PUM1: variants seen among roughly 807,000 people sequenced by gnomAD.
The protein encoded by PUM1 is pumilio RNA binding family member 1.
A neutral mutation model predicts 131.8 loss-of-function variants in PUM1; 13 were observed. That is an observed-to-expected ratio of 0.10 (90% CI 0.06 to 0.16). The LOEUF is 0.16. Among genes scored for constraint, PUM1 ranks in the 10% least tolerant of loss-of-function variants. The pLI, the probability that PUM1 is intolerant of heterozygous loss-of-function variation, is 1.00. For missense variants in PUM1, 961 were observed against 1,512.4 expected, an observed-to-expected ratio of 0.64 and a Z score of 6.05; for synonymous variants, 509 against 556.5, an observed-to-expected ratio of 0.91 and a Z score of 1.20.
At chr1:31,041,016 G>T (rs1643797561) in intron 2 of PUM1, among the ~76,000 whole-genome samples, 1 of 152,114 alleles carries the variant, frequency 6.6e-6, no homozygotes, top group Non-Finnish European at 1.5e-5. Context: ...ACATCTCCAG[G>T]CAAGAAACAT....
intron 14 of PUM1, among the ~76,000 whole-genome samples, chr1:30,963,794 T>TTCATAGCACCCCCTTCCAC (rs1640515896): frequency 1.3e-5 from 2 of 152,340 alleles, no homozygotes; most frequent in South Asian, 4.1e-4. Context: ...CAAGTAATTA[T>TTCATAGCACCCCCTTCCAC]TCATAGCACC....
chr1:30,956,077 A>AG (rs1400036959), intron 14 of PUM1, among the ~76,000 whole-genome samples: 1 of 152,208 alleles, frequency 6.6e-6, no homozygotes, highest in South Asian at 2.1e-4. Flanking sequence ...TCTTGACTCC[A>AG]GGGTCAAGGC....
At chr1:30,992,367 G>A (rs936158432) in intron 7 of PUM1, 23 bp downstream of exon 7, 6 of 1,606,146 alleles carry the variant, frequency 3.7e-6, no homozygotes. Flanking sequence ...GAGTAGAGAG[G>A]GTGACAGAGA....
At chr1:30,963,680 A>G (rs1197798205) in intron 14 of PUM1, among the ~76,000 whole-genome samples, 1 of 152,242 alleles carries the variant, frequency 6.6e-6, no homozygotes, top group African/African-American at 2.4e-5. Context: ...TTCTGAGTCC[A>G]TGAAGCCACT....
intron 3 of PUM1, among the ~76,000 whole-genome samples, chr1:31,010,692 G>A (rs562625676): frequency 6.6e-6 from 1 of 152,304 alleles, no homozygotes; most frequent in South Asian, 2.1e-4. Context: ...TACCACATGA[G>A]TGAGTTTGGA....
chr1:31,049,201 T>C (rs550554761), intron 2 of PUM1, among the ~76,000 whole-genome samples: 13 of 150,518 alleles, frequency 8.6e-5, no homozygotes, highest in Admixed American at 2.7e-4. Flanking sequence ...AAACTCTGTC[T>C]GAAAAAATAA....
chr1:30,990,834 A>G (rs1421237015), intron 7 of PUM1, among the ~76,000 whole-genome samples: 1 of 152,166 alleles, frequency 6.6e-6, no homozygotes, highest in East Asian at 1.9e-4. Flanking sequence ...CTTTCAAAAT[A>G]ATGTTTACTT....
At chr1:30,993,355 A>AC (rs968860482) in intron 6 of PUM1, among the ~76,000 whole-genome samples, 4 of 151,826 alleles carry the variant, frequency 2.6e-5, no homozygotes, top group African/African-American at 4.8e-5. Flanking sequence ...AAAAAAAAAA[A>AC]AAAAACAGGG....
chr1:30,947,627 G>A (rs1639735290), intron 17 of PUM1, among the ~76,000 whole-genome samples: 1 of 152,176 alleles, frequency 6.6e-6, no homozygotes, highest in Non-Finnish European at 1.5e-5. Context: ...CTCCTGCCCA[G>A]TTTCCCTGCT....
chr1:30,949,001 C>A (rs1201604331), intron 17 of PUM1: 2 of 436,072 alleles, frequency 4.6e-6, no homozygotes, highest in Non-Finnish European at 9.2e-6. Context: ...TGGCACATAC[C>A]TTTGAAACTT....
At chr1:31,046,560 T>C (rs1643972136) in intron 2 of PUM1, among the ~76,000 whole-genome samples, 2 of 142,484 alleles carry the variant, frequency 1.4e-5, no homozygotes, top group African/African-American at 2.6e-5. Context: ...CAGGCTGGAG[T>C]GCAGTGGCGC....
chr1:31,032,870 C>G (rs992065811), intron 2 of PUM1, among the ~76,000 whole-genome samples: 1 of 152,064 alleles, frequency 6.6e-6, no homozygotes, highest in Non-Finnish European at 1.5e-5. Flanking sequence ...CTTTGGGAGG[C>G]TAAGGCGGGC....
At chr1:30,954,061 G>T in intron 14 of PUM1, 80 bp from the exon 15 acceptor site, 2 of 1,394,916 alleles carry the variant, frequency 1.4e-6, no homozygotes, top group East Asian at 2.3e-5. Flanking sequence ...TCCCACACCC[G>T]AAAGCCTGCA....
At chr1:31,009,627 G>A (rs146138197) in intron 3 of PUM1, among the ~76,000 whole-genome samples, 214 of 151,982 alleles carry the variant, frequency 1.4e-3, no homozygotes, top group Non-Finnish European at 2.6e-3. Flanking sequence ...AATTAGCTGC[G>A]TATGGTGGTG....
chr1:30,976,476 C>T lies in PUM1; in HGVS notation c.1355-1674G>A, dbSNP rs78512997. ...TTCAAATATTACAGCTACTCTGATGCTACAGCTAATTCTGGAGAAACACAT... is the reference window on the plus strand; with the variant it reads ...TTCAAATATTACAGCTACTCTGATGTTACAGCTAATTCTGGAGAAACACAT... On this transcript the variant is annotated intron_variant, in intron 9 of 21. Coordinates refer to ENST00000426105, the MANE Select transcript of PUM1 (RefSeq NM_001020658.2). Among the ~76,000 whole-genome samples the T allele has an allele frequency of 1.8e-3, 274 of 152,376 alleles. 1 individual carries two copies. Among genetic ancestry groups the T allele is most frequent in the African/African-American group, 6.1e-3 (255 of 41,588 alleles).
chr1:30,977,227 A>C (rs1641172506), intron 9 of PUM1, among the ~76,000 whole-genome samples: 1 of 152,238 alleles, frequency 6.6e-6, no homozygotes, highest in Non-Finnish European at 1.5e-5. Context: ...ATGACCCATC[A>C]CATGAGATCA....
chr1:30,933,027 T>C lies in PUM1; in HGVS notation c.*184A>G. On this transcript the variant is annotated 3_prime_UTR_variant, in exon 22 of 22. Transcript: ENST00000426105. The stretch of plus-strand genomic sequence containing the variant: ...AAAAAATAGTACATGTTATGTGTAA[T>C]AAAATTAAATTTACAAAGGCTTTTC... The C allele has an allele frequency of 1.5e-6, 1 of 664,180 alleles. No individual in the cohort carries two copies. Among genetic ancestry groups the C allele is most frequent in the Non-Finnish European group, 2.4e-6 (1 of 413,454 alleles). 41.1% of individuals were successfully genotyped at this position (664,180 alleles called of 1,614,324 possible).
chr1:30,999,606 C>CAAAAAAAAAAAAAAAAAAAAAAAAAAAAA (rs56936440), intron 5 of PUM1, among the ~76,000 whole-genome samples: 1 of 53,980 alleles, frequency 1.9e-5, no homozygotes, highest in African/African-American at 6.9e-5. Context: ...GACTCTGTCT[C>CAAAAAAAAAAAAAAAAAAAAAAAAAAAAA]AAAAAAAAAA....
intron 2 of PUM1, among the ~76,000 whole-genome samples, chr1:31,047,746 A>T (rs905038588): frequency 2.6e-5 from 4 of 152,180 alleles, no homozygotes; most frequent in Non-Finnish European, 2.9e-5. Context: ...TGTTCGAGAC[A>T]TCCTGGCCAA....
Sources: gnomAD v4.1 joint callset for allele counts (sites outside exome capture counted in the v4.1 genomes callset) on GRCh38, gnomAD v4.1.1 for gene constraint, MANE v1.5 for transcripts, NCBI Gene and HGNC (gene_info 2026-07-23, HGNC 2026-07-21) for gene names.